The following NCKAP5 variants were observed in gnomAD, a reference collection of about 807,000 sequenced individuals.
The protein encoded by NCKAP5 is nck-associated protein 5.
A neutral mutation model predicts 167.0 loss-of-function variants in NCKAP5; 92 were observed. That is an observed-to-expected ratio of 0.55 (90% confidence interval 0.47 to 0.66). The LOEUF (loss-of-function observed/expected upper bound fraction) is 0.66. NCKAP5 is among the 30% of genes least tolerant of loss of function. The probability of loss-of-function intolerance (pLI) is 0.00; values close to 1 mark genes in which losing one functional copy is unlikely to be tolerated. For synonymous variants in NCKAP5, 891 were observed against 877.4 expected (o/e 1.02, Z -0.27); for missense variants, 2,378 against 2,315.0 (o/e 1.03, Z -0.56).
At chr2:132,907,676 GAGA>G (rs1694108296) in intron 8 of NCKAP5, among the ~76,000 whole-genome samples, 1 of 149,716 alleles carries the variant, frequency 6.7e-6, no homozygotes, top group Non-Finnish European at 1.5e-5. Flanking sequence ...CTTTTTTTTT[GAGA>G]AGGAGTCTCG....
chr2:133,402,259 T>G (rs1448011820), intron 3 of NCKAP5, among the ~76,000 whole-genome samples: 1 of 152,034 alleles, frequency 6.6e-6, no homozygotes, highest in African/African-American at 2.4e-5. Flanking sequence ...CAAACACAGA[T>G]CCAGAAAAAC....
intron 5 of NCKAP5, among the ~76,000 whole-genome samples, chr2:133,156,558 C>T (rs2083584906): frequency 6.6e-6 from 1 of 152,098 alleles, no homozygotes. Context: ...AGTTTCTTTC[C>T]CTAACGCTTT....
At chr2:132,808,432 C>A (rs1276690254) in intron 11 of NCKAP5, among the ~76,000 whole-genome samples, 1 of 152,084 alleles carries the variant, frequency 6.6e-6, no homozygotes, top group Non-Finnish European at 1.5e-5. Context: ...CCAGTTCAAT[C>A]TCACTGCTTG....
At chr2:132,913,370 T>C (rs77012455) in intron 8 of NCKAP5, among the ~76,000 whole-genome samples, 1,644 of 152,282 alleles carry the variant, frequency 0.011, 35 homozygotes, top group African/African-American at 0.036. Flanking sequence ...GTCACTATAC[T>C]ATTTATTAGC....
the NCKAP5 span, among the ~76,000 whole-genome samples, chr2:133,615,298 A>G: frequency 6.6e-6 from 1 of 151,422 alleles, no homozygotes; most frequent in African/African-American, 2.4e-5. Flanking sequence ...CACACATAAC[A>G]ATATTAACTT....
At position 133,396,921 on chromosome 2, in the gene NCKAP5, CTCTGAGCT is replaced by C. The variant is rs892711628; in HGVS notation, c.70-93819_70-93812del. 9.2e-5 allele frequency among the ~76,000 whole-genome samples: 14 copies of C among 152,314 alleles called. 1 individual carries two copies. Among genetic ancestry groups the C allele is most frequent in the African/African-American group, 3.4e-4 (14 of 41,580 alleles). On this transcript the variant is annotated intron_variant, in intron 3 of 19. Transcript: ENST00000409261. The stretch of plus-strand genomic sequence containing the variant: ...AATTGAAATTCAGCTCTGCCATTTA[CTCTGAGCT>C]TCCTGACTGCGTGAGATAGAGATAA...
At chr2:132,970,494 C>G (rs757544669) in intron 7 of NCKAP5, among the ~76,000 whole-genome samples, 2 of 152,104 alleles carry the variant, frequency 1.3e-5, no homozygotes. Flanking sequence ...GTGAAGCTAC[C>G]ATACAAACAA....
intron 11 of NCKAP5, among the ~76,000 whole-genome samples, chr2:132,816,590 G>T (rs1686293007): frequency 6.6e-6 from 1 of 152,104 alleles, no homozygotes; most frequent in African/African-American, 2.4e-5. Context: ...TCCTGTGATG[G>T]TGAGCAGAGC....
At chr2:133,176,637 T>C (rs2150013542) in intron 5 of NCKAP5, among the ~76,000 whole-genome samples, 1 of 152,384 alleles carries the variant, frequency 6.6e-6, no homozygotes, top group South Asian at 2.1e-4. Flanking sequence ...ACCTGGTTTC[T>C]AGTCTTTGAT....
chr2:133,128,298 A>G (rs942116768), intron 6 of NCKAP5, among the ~76,000 whole-genome samples: 2 of 152,202 alleles, frequency 1.3e-5, no homozygotes, highest in African/African-American at 4.8e-5. Context: ...CAGGAGAGAA[A>G]AGTGAAACAA....
intron 16 of NCKAP5, among the ~76,000 whole-genome samples, chr2:132,750,788 G>A (rs1344556140): frequency 6.6e-6 from 1 of 152,162 alleles, no homozygotes; most frequent in Non-Finnish European, 1.5e-5. Flanking sequence ...AGAGCTTCAG[G>A]ATAAAAGGCT....
chr2:132,860,708 A>G, intron 10 of NCKAP5, 97 bp from the exon 11 acceptor site: 2 of 1,392,196 alleles, frequency 1.4e-6, no homozygotes, highest in Non-Finnish European at 9.5e-7. Context: ...ATTAGTAAAA[A>G]ACGGTATTTT....
intron 3 of NCKAP5, among the ~76,000 whole-genome samples, chr2:133,437,845 G>T (rs572920189): frequency 5.1e-4 from 78 of 152,306 alleles, no homozygotes; most frequent in African/African-American, 1.9e-3. Context: ...AATTAAATAA[G>T]GAAATCTATG....
chr2:133,280,777 C>T lies in NCKAP5; in HGVS notation c.143+22260G>A, dbSNP rs567537242. On this transcript the variant is annotated intron_variant, in intron 4 of 19. Transcript: ENST00000409261. ...TAGCGCTTTATTGGAATAGTTATAC[C>T]TGTTCACTTACGTATCCTTTGTGGG... Among the ~76,000 whole-genome samples the T allele has an allele frequency of 1.8e-3, 267 of 152,270 alleles. 1 individual carries two copies. The highest frequency in any genetic ancestry group is 6.1e-3 in the African/African-American group (255 of 41,542).
At position 133,069,074 on chromosome 2, in the gene NCKAP5, G is replaced by C. The variant is rs562617603; in HGVS notation, c.341+60904C>G. ...GGTGCAAAACTGTAACCCAAGGAGT[G>C]AGCGATCCAGTACTGACTTGAGAAA... On this transcript the variant is annotated intron_variant, in intron 6 of 19. Coordinates refer to ENST00000409261, the MANE Select transcript of NCKAP5 (RefSeq NM_207363.3). Among the ~76,000 whole-genome samples the C allele has an allele frequency of 1.4e-4, 22 of 152,328 alleles. No individual in the cohort carries two copies. In the South Asian group the frequency reaches 4.6e-3, roughly 32 times the overall value.
At chr2:133,038,667 A>G (rs2079112941) in intron 6 of NCKAP5, among the ~76,000 whole-genome samples, 1 of 152,204 alleles carries the variant, frequency 6.6e-6, no homozygotes, top group South Asian at 2.1e-4. Context: ...CAGGAAATAG[A>G]TACCTCATTC....
At chr2:133,175,378 T>C (rs1292601537) in intron 5 of NCKAP5, among the ~76,000 whole-genome samples, 1 of 152,202 alleles carries the variant, frequency 6.6e-6, no homozygotes, top group Non-Finnish European at 1.5e-5. Context: ...AATCCATCAG[T>C]CTTTTGTTGC....
At chr2:133,292,751 T>A (rs1679689129) in intron 4 of NCKAP5, among the ~76,000 whole-genome samples, 1 of 152,196 alleles carries the variant, frequency 6.6e-6, no homozygotes, top group African/African-American at 2.4e-5. Flanking sequence ...ACTTGTACAG[T>A]ATTATTCAAA....
chr2:133,299,279 A>G (rs1458575862), intron 4 of NCKAP5, among the ~76,000 whole-genome samples: 3 of 152,142 alleles, frequency 2.0e-5, no homozygotes, highest in Admixed American at 2.0e-4. Flanking sequence ...ATAAATTTTG[A>G]GGTTATTAGA....
Sources: gnomAD v4.1 joint callset for allele counts (sites outside exome capture counted in the v4.1 genomes callset) on GRCh38, gnomAD v4.1.1 for gene constraint, MANE v1.5 for transcripts, NCBI Gene and HGNC (gene_info 2026-07-23, HGNC 2026-07-21) for gene names.